SIPA1L1: variants seen among roughly 807,000 people sequenced by gnomAD.
SIPA1L1 encodes the protein signal-induced proliferation-associated 1-like protein 1.
A neutral mutation model predicts 162.7 loss-of-function variants in SIPA1L1; 26 were observed. The ratio of observed to expected loss-of-function variants is 0.16; its 90% confidence interval spans 0.12 to 0.22. SIPA1L1 has a LOEUF of 0.22. Among genes scored for constraint, SIPA1L1 ranks in the 10% least tolerant of loss-of-function variants. The pLI, the probability that SIPA1L1 is intolerant of heterozygous loss-of-function variation, is 1.00. For missense variants in SIPA1L1, 1,874 were observed against 2,241.0 expected (o/e 0.84, Z 3.31); for synonymous variants, 829 against 837.4 (o/e 0.99, Z 0.17).
chr14:71,436,978 G>A (rs1265799947), intron 2 of SIPA1L1, among the ~76,000 whole-genome samples: 4 of 151,792 alleles, frequency 2.6e-5, no homozygotes, highest in African/African-American at 9.7e-5. Context: ...CTTAGACAGG[G>A]TGGTCTCAAT....
At chr14:71,375,429 T>C (rs1350291124) in intron 2 of SIPA1L1, among the ~76,000 whole-genome samples, 1 of 152,206 alleles carries the variant, frequency 6.6e-6, no homozygotes, top group South Asian at 2.1e-4. Flanking sequence ...CTTGATTTTT[T>C]TTTACATCAG....
chr14:71,578,984 T>G (rs1324733017), intron 4 of SIPA1L1, among the ~76,000 whole-genome samples: 1 of 152,244 alleles, frequency 6.6e-6, no homozygotes, highest in East Asian at 1.9e-4. Context: ...GAGGATTAGT[T>G]TTTAATCAGA....
intron 12 of SIPA1L1, among the ~76,000 whole-genome samples, chr14:71,682,557 T>G (rs1473072473): frequency 6.6e-6 from 1 of 152,212 alleles, no homozygotes; most frequent in African/African-American, 2.4e-5. Flanking sequence ...TGCTCAGACT[T>G]TATCATACTA....
chr14:71,456,603 C>T (rs892867464), intron 2 of SIPA1L1, among the ~76,000 whole-genome samples: 2 of 152,276 alleles, frequency 1.3e-5, no homozygotes, highest in African/African-American at 4.8e-5. Flanking sequence ...ACTTTGTTTG[C>T]ATCCTTATAG....
chr14:71,387,388 A>C (rs955707143), intron 2 of SIPA1L1, among the ~76,000 whole-genome samples: 1 of 152,002 alleles, frequency 6.6e-6, no homozygotes, highest in South Asian at 2.1e-4. Context: ...AGGTGGGAGG[A>C]TCCCTTGAGC....
intron 2 of SIPA1L1, among the ~76,000 whole-genome samples, chr14:71,351,616 T>C (rs1268837264): frequency 9.2e-6 from 1 of 108,338 alleles, no homozygotes; most frequent in Non-Finnish European, 2.1e-5. Context: ...ATACGGTTTA[T>C]TATTACCATA....
chr14:71,341,271 T>A (rs1268855283), intron 2 of SIPA1L1, among the ~76,000 whole-genome samples: 1 of 152,254 alleles, frequency 6.6e-6, no homozygotes, highest in Non-Finnish European at 1.5e-5. Flanking sequence ...TAAGAACATC[T>A]TCACGTTACT....
chr14:71,561,833 T>C (rs1266889607), intron 4 of SIPA1L1, among the ~76,000 whole-genome samples: 2 of 152,242 alleles, frequency 1.3e-5, no homozygotes, highest in Non-Finnish European at 2.9e-5. Flanking sequence ...GTGATCTGCC[T>C]GCCTCAGCCT....
chr14:71,576,784 A>C (rs1478352976), intron 4 of SIPA1L1, among the ~76,000 whole-genome samples: 1 of 152,178 alleles, frequency 6.6e-6, no homozygotes, highest in Non-Finnish European at 1.5e-5. Context: ...TCCAGGCCTA[A>C]ATAAGAAAAT....
chr14:71,406,186 G>A (rs1290144240), intron 2 of SIPA1L1, among the ~76,000 whole-genome samples: 1 of 152,120 alleles, frequency 6.6e-6, no homozygotes, highest in Non-Finnish European at 1.5e-5. Flanking sequence ...GTAGGTTTTT[G>A]GCTTGAGCAA....
chr14:71,444,102 G>A (rs118052392), intron 2 of SIPA1L1, among the ~76,000 whole-genome samples: 279 of 152,306 alleles, frequency 1.8e-3, no homozygotes, highest in Non-Finnish European at 2.5e-3. Flanking sequence ...AAAAACATTT[G>A]TGAAGGTTAG....
intron 2 of SIPA1L1, among the ~76,000 whole-genome samples, chr14:71,336,602 A>G (rs1394324075): frequency 6.6e-6 from 1 of 152,242 alleles, no homozygotes; most frequent in Non-Finnish European, 1.5e-5. Flanking sequence ...CACAGAAACT[A>G]CAACCTGTGC....
chr14:71,582,972 T>C (rs1053266937), intron 4 of SIPA1L1, among the ~76,000 whole-genome samples: 4 of 152,228 alleles, frequency 2.6e-5, no homozygotes, highest in African/African-American at 9.6e-5. Context: ...GTGAGTGGAA[T>C]TCAGGAAAGC....
At chr14:71,632,164 C>T (rs936105835) in intron 7 of SIPA1L1, among the ~76,000 whole-genome samples, 8 of 152,164 alleles carry the variant, frequency 5.3e-5, no homozygotes, top group African/African-American at 9.7e-5. Context: ...ACCTTGGACA[C>T]ATATATAAAA....
chr14:71,537,890 T>C (rs1367008903), intron 4 of SIPA1L1, among the ~76,000 whole-genome samples: 1 of 152,218 alleles, frequency 6.6e-6, no homozygotes, highest in East Asian at 1.9e-4. Context: ...GCTGTTTCTG[T>C]GTGACCCTGA....
chr14:71,380,480 A>T (rs1205778760), intron 2 of SIPA1L1, among the ~76,000 whole-genome samples: 1 of 152,220 alleles, frequency 6.6e-6, no homozygotes, highest in Non-Finnish European at 1.5e-5. Flanking sequence ...CATTCCAAAG[A>T]TTCCTGTTAA....
At chr14:71,361,302 G>A (rs1018841669) in intron 2 of SIPA1L1, among the ~76,000 whole-genome samples, 2 of 152,004 alleles carry the variant, frequency 1.3e-5, no homozygotes, top group African/African-American at 4.8e-5. Context: ...TAATTTTATT[G>A]GTAAAATTAA....
chr14:71,439,953 C>T (rs986779274), intron 2 of SIPA1L1, among the ~76,000 whole-genome samples: 3 of 152,106 alleles, frequency 2.0e-5, no homozygotes, highest in Non-Finnish European at 1.5e-5. Context: ...TCCTGTTATA[C>T]GGGAAGAGGG....
chr14:71,644,833 T>G (rs1220111658), intron 7 of SIPA1L1, among the ~76,000 whole-genome samples: 2 of 152,208 alleles, frequency 1.3e-5, no homozygotes, highest in Admixed American at 6.5e-5. Flanking sequence ...CAAGACAATA[T>G]CTCCCAAATA....
Sources: gnomAD v4.1 joint callset for allele counts (sites outside exome capture counted in the v4.1 genomes callset) on GRCh38, gnomAD v4.1.1 for gene constraint, MANE v1.5 for transcripts, NCBI Gene and HGNC (gene_info 2026-07-23, HGNC 2026-07-21) for gene names.